The following NALF1 variants were observed in gnomAD, a reference collection of about 807,000 sequenced individuals.
NALF1 encodes family with sequence similarity 155 member A.
NALF1 carries 3 observed loss-of-function variants against 48.4 expected under a neutral mutation model. That is an observed-to-expected ratio of 0.06 (90% CI 0.03 to 0.16). The LOEUF is 0.16. NALF1 is among the 10% of genes least tolerant of loss of function. NALF1 has a pLI of 1.00. For synonymous variants in NALF1, 262 were observed against 245.7 expected (o/e 1.07, Z -0.62); for missense variants, 526 against 571.5 (o/e 0.92, Z 0.81).
At chr13:107,660,104 G>C (rs1302207067) in intron 1 of NALF1, among the ~76,000 whole-genome samples, 3 of 151,848 alleles carry the variant, frequency 2.0e-5, no homozygotes, top group African/African-American at 7.3e-5. Flanking sequence ...TTCAAATTAA[G>C]ATGATTTTGA....
chr13:107,567,173 TCA>T (rs1319785040), intron 1 of NALF1, among the ~76,000 whole-genome samples: 1 of 152,192 alleles, frequency 6.6e-6, no homozygotes, highest in Non-Finnish European at 1.5e-5. Flanking sequence ...TTTTAAAAAC[TCA>T]GTTTCATATA....
chr13:107,403,338 A>G (rs1168872748), intron 1 of NALF1, among the ~76,000 whole-genome samples: 1 of 151,320 alleles, frequency 6.6e-6, no homozygotes, highest in Non-Finnish European at 1.5e-5. Flanking sequence ...CCTGGTATGC[A>G]GCTCTCCTGT....
At chr13:107,672,071 G>A (rs754776450) in intron 1 of NALF1, among the ~76,000 whole-genome samples, 8 of 152,074 alleles carry the variant, frequency 5.3e-5, no homozygotes, top group East Asian at 1.9e-4. Context: ...TAACATGTTC[G>A]GAGAACGTGA....
At chr13:107,586,444 ACAG>A (rs1878459232) in intron 1 of NALF1, among the ~76,000 whole-genome samples, 1 of 152,088 alleles carries the variant, frequency 6.6e-6, no homozygotes, top group Non-Finnish European at 1.5e-5. Flanking sequence ...AGTAAATTCA[ACAG>A]CTTCAGCATG....
chr13:107,817,667 T>C (rs574235153), intron 1 of NALF1, among the ~76,000 whole-genome samples: 2 of 152,328 alleles, frequency 1.3e-5, no homozygotes, highest in South Asian at 4.1e-4. Context: ...ACATCCCATC[T>C]ATCTGCTAAA....
rs1046111947 is a variant in NALF1, at chr13:107,165,386, G to A, written c.*5111C>T. The stretch of plus-strand genomic sequence containing the variant: ...GGGATCCCACTGTGCCTCGGAGCCA[G>A]CTTGTGTAATTTGTAATCAGAAGAT... On this transcript the variant is annotated 3_prime_UTR_variant, in exon 3 of 3. Transcript: ENST00000375915. The A allele has an allele frequency of 7.2e-5, 11 of 152,242 alleles. No individual in the cohort carries two copies. The East Asian group carries it at 1.7e-3, about 24-fold the overall frequency. 9.4% of individuals were successfully genotyped at this position (152,242 alleles called of 1,614,324 possible).
chr13:107,827,511 AAACATCCC>A (rs972488800), intron 1 of NALF1, among the ~76,000 whole-genome samples: 1 of 152,192 alleles, frequency 6.6e-6, no homozygotes, highest in Non-Finnish European at 1.5e-5. Context: ...TGCTTCCCAC[AAACATCCC>A]AACATGGGTC....
intron 1 of NALF1, among the ~76,000 whole-genome samples, chr13:107,291,276 G>A (rs1005688835): frequency 6.6e-6 from 1 of 151,932 alleles, no homozygotes; most frequent in Non-Finnish European, 1.5e-5. Flanking sequence ...CCTGGTTCAT[G>A]TGTTTAGGTG....
intron 2 of NALF1, among the ~76,000 whole-genome samples, chr13:107,195,471 C>A (rs1216707969): frequency 6.6e-6 from 1 of 152,186 alleles, no homozygotes; most frequent in Non-Finnish European, 1.5e-5. Flanking sequence ...AAGGAAATTT[C>A]ATTTCTCTGT....
chr13:107,182,656 A>T (rs975363476), intron 2 of NALF1, among the ~76,000 whole-genome samples: 1 of 152,328 alleles, frequency 6.6e-6, no homozygotes, highest in African/African-American at 2.4e-5. Flanking sequence ...TCCTTTAAAA[A>T]ATCGCACACA....
chr13:107,659,725 C>G (rs1566433714), intron 1 of NALF1, among the ~76,000 whole-genome samples: 1 of 151,872 alleles, frequency 6.6e-6, no homozygotes, highest in Non-Finnish European at 1.5e-5. Flanking sequence ...CCACTGAATT[C>G]TAAGTAATAT....
chr13:107,266,287 A>G (rs1403627595), intron 1 of NALF1, among the ~76,000 whole-genome samples: 1 of 152,144 alleles, frequency 6.6e-6, no homozygotes, highest in African/African-American at 2.4e-5. Flanking sequence ...TTACATAAAG[A>G]CCTATCCCTA....
chr13:107,675,343 T>C (rs1881088053), intron 1 of NALF1, among the ~76,000 whole-genome samples: 1 of 152,262 alleles, frequency 6.6e-6, no homozygotes, highest in Non-Finnish European at 1.5e-5. Flanking sequence ...TACCTGCGCA[T>C]AGATGGCATC....
In NALF1 at chr13:107,646,633, C is replaced by T. The variant is rs947511402; in HGVS notation, c.915+219049G>A. ...TGAATTTTTTCTCTATTAATGTAAT[C>T]TGTATAATAATGTGTTTGATTTCTA... is the stretch of plus-strand genomic sequence containing the variant. On this transcript the variant is annotated intron_variant, in intron 1 of 2. Coordinates refer to ENST00000375915, the MANE Select transcript of NALF1 (RefSeq NM_001080396.3). 7.2e-5 allele frequency among the ~76,000 whole-genome samples: 11 copies of T among 151,958 alleles called. 1 individual carries two copies. The highest frequency in any genetic ancestry group is 2.0e-4 in the Admixed American group (3 of 15,248).
intron 1 of NALF1, among the ~76,000 whole-genome samples, chr13:107,796,878 A>C (rs1481907608): frequency 6.6e-6 from 1 of 152,178 alleles, no homozygotes; most frequent in East Asian, 1.9e-4. Context: ...AACCTCTGGC[A>C]CACTCATACT....
At chr13:107,310,278 C>T (rs950664191) in intron 1 of NALF1, among the ~76,000 whole-genome samples, 5 of 151,810 alleles carry the variant, frequency 3.3e-5, no homozygotes, top group Non-Finnish European at 2.9e-5. Context: ...GGCGTGGTGG[C>T]GGGCACTTGT....
intron 1 of NALF1, among the ~76,000 whole-genome samples, chr13:107,739,161 C>T (rs1054820859): frequency 1.3e-5 from 2 of 151,680 alleles, no homozygotes; most frequent in African/African-American, 4.8e-5. Flanking sequence ...GCCTGTCAGG[C>T]GGTCAGGGGT....
intron 1 of NALF1, among the ~76,000 whole-genome samples, chr13:107,673,241 A>G (rs923373578): frequency 6.6e-6 from 1 of 152,070 alleles, no homozygotes; most frequent in Non-Finnish European, 1.5e-5. Flanking sequence ...GATTAATTTA[A>G]TGAGATTTAG....
At chr13:107,269,821 T>G (rs1881118714) in intron 1 of NALF1, among the ~76,000 whole-genome samples, 1 of 151,776 alleles carries the variant, frequency 6.6e-6, no homozygotes, top group Admixed American at 6.6e-5. Flanking sequence ...TCTTTTTTTT[T>G]TTTGCAAGCT....
Sources: allele counts gnomAD v4.1 joint callset (sites outside exome capture counted in the v4.1 genomes callset), GRCh38; gene constraint gnomAD v4.1.1; transcripts MANE v1.5; gene names NCBI Gene and HGNC (gene_info 2026-07-23, HGNC 2026-07-21).